The following ATP2B2 variants were observed in gnomAD, a reference collection of about 807,000 sequenced individuals.
ATP2B2 encodes plasma membrane calcium-transporting ATPase 2.
ATP2B2 carries 15 observed loss-of-function variants against 120.0 expected under a neutral mutation model. The observed-to-expected ratio is 0.12, with a 90% CI of 0.08 to 0.19. The LOEUF (loss-of-function observed/expected upper bound fraction) is 0.19, where lower values mean the gene tolerates loss of function less well. Ranked by LOEUF, ATP2B2 falls within the 10% of genes least tolerant of loss-of-function variation. The probability of loss-of-function intolerance (pLI) is 1.00; values close to 1 mark genes in which losing one functional copy is unlikely to be tolerated. For synonymous variants in ATP2B2, 694 were observed against 700.3 expected, an observed-to-expected ratio of 0.99 and a Z score of 0.14; for missense variants, 1,045 against 1,719.8, an observed-to-expected ratio of 0.61 and a Z score of 6.94.
chr3:10,499,784 TGCCCC>T (rs1229599984), intron 1 of ATP2B2, among the ~76,000 whole-genome samples: 1 of 152,118 alleles, frequency 6.6e-6, no homozygotes, highest in East Asian at 1.9e-4. Context: ...CTGGAATTCC[TGCCCC>T]ATGGATTCCT....
chr3:10,481,349 C>T (rs1239188794), intron 1 of ATP2B2, among the ~76,000 whole-genome samples: 1 of 151,890 alleles, frequency 6.6e-6, no homozygotes, highest in East Asian at 1.9e-4. Context: ...CAGCATACTC[C>T]ACCTCAGGGC....
Position 10,328,895 on chromosome 3 carries a change from G to A in ATP2B2, c.3651C>T (p.Ile1217=). The A allele has an allele frequency of 6.2e-7, 1 of 1,614,000 alleles. No individual in the cohort carries two copies. Among genetic ancestry groups the A allele is most frequent in the Non-Finnish European group, 8.5e-7 (1 of 1,180,004 alleles). The change falls in exon 23 of 23, where the codon ATC becomes ATT. Residue 1217 remains isoleucine (I), a synonymous_variant. Transcript: ENST00000360273. The part of the protein sequence containing the change: ...NKNNSAIDSG[I]NLTTDTSKSA... ...ATTTGCTTGTGTCGGTCGTCAGGTT[G>A]ATCCCACTGTCGATGGCGCTGTTGT...
At chr3:10,514,320 AAGG>A (rs988735672) in intron 3 of ATP2B2, among the ~76,000 whole-genome samples, 10 of 152,264 alleles carry the variant, frequency 6.6e-5, no homozygotes, top group African/African-American at 2.4e-4. Context: ...GCCAAGCCTG[AAGG>A]AGGAGGACAG....
chr3:10,365,899 GA>G (rs2061042270), intron 12 of ATP2B2, among the ~76,000 whole-genome samples: 1 of 402 alleles, frequency 2.5e-3, no homozygotes, highest in Non-Finnish European at 4.7e-3. Context: ...AGGGTGAAAG[GA>G]CTAACAGCTC....
chr3:10,632,605 G>A (rs1467276842), intron 1 of ATP2B2, among the ~76,000 whole-genome samples: 4 of 152,260 alleles, frequency 2.6e-5, no homozygotes, highest in Non-Finnish European at 5.9e-5. Flanking sequence ...TGGAGGAGGA[G>A]TTGGCAGGGC....
At chr3:10,505,972 G>A (rs2066613101), upstream of ATP2B2, among the ~76,000 whole-genome samples, 1 of 152,094 alleles carries the variant, frequency 6.6e-6, no homozygotes, top group African/African-American at 2.4e-5. Flanking sequence ...AGGGAAGGGG[G>A]TCCTGAGAGT....
rs73018793 is a variant in ATP2B2 at position 10,470,902 on chromosome 3, C to T, written c.-319-21040G>A. Among the ~76,000 whole-genome samples the T allele has an allele frequency of 7.0e-3, 1,073 of 152,242 alleles. 9 individuals carry two copies. Among genetic ancestry groups the T allele is most frequent in the Middle Eastern group, 0.031 (9 of 294 alleles). ...GACAGGGACATGCAGGTTGCTATGG[C>T]GACAGCACATCGGATACTGACCTGG... On this transcript the variant is annotated intron_variant, in intron 1 of 22. Transcript: ENST00000360273.
At position 10,343,531 on chromosome 3, in the gene ATP2B2, A is replaced by AC; in HGVS notation, c.2704-567dup. 4.1e-3 allele frequency among the ~76,000 whole-genome samples: 1 copy of AC among 244 alleles called. No individual in the cohort carries two copies. The highest frequency in any genetic ancestry group is 8.3e-3 in the Non-Finnish European group (1 of 120). The allele number at this position is 244 out of a possible 152,430, so 0.2% of individuals were successfully genotyped here. ...ATGAGGAATAGCAAAAGCAACTAAA[A>AC]CTGTCAAGGACCTCACCACTTTTAG... On this transcript the variant is annotated intron_variant, in intron 18 of 22. Transcript: ENST00000360273. This position sits in a 1 kb window ranked among gnomAD's most constrained non-coding sequence, Gnocchi z 4.2.
intron 5 of ATP2B2, among the ~76,000 whole-genome samples, chr3:10,397,006 C>A (rs2062060538): frequency 6.6e-6 from 1 of 152,204 alleles, no homozygotes; most frequent in Non-Finnish European, 1.5e-5. Flanking sequence ...AGGGGATCCA[C>A]TTACATCATA....
chr3:10,529,992 C>G (rs2067177311), intron 3 of ATP2B2, among the ~76,000 whole-genome samples: 1 of 152,192 alleles, frequency 6.6e-6, no homozygotes, highest in Non-Finnish European at 1.5e-5. Context: ...CGGAAGGAAC[C>G]AAGCCCTCTG....
intron 1 of ATP2B2, among the ~76,000 whole-genome samples, chr3:10,496,892 A>G (rs1180288674): frequency 6.6e-6 from 1 of 150,624 alleles, no homozygotes; most frequent in African/African-American, 2.4e-5. Context: ...CCCAACTCCA[A>G]TCCACTTTGT....
chr3:10,469,732 G>A (rs1205544181), intron 1 of ATP2B2, among the ~76,000 whole-genome samples: 6 of 152,188 alleles, frequency 3.9e-5, no homozygotes, highest in Non-Finnish European at 7.3e-5. Flanking sequence ...CTTTCACCCT[G>A]AGAAAGTGGG....
chr3:10,541,027 T>C (rs1476583349), intron 2 of ATP2B2, among the ~76,000 whole-genome samples: 1 of 152,142 alleles, frequency 6.6e-6, no homozygotes, highest in Non-Finnish European at 1.5e-5. Flanking sequence ...CCATTTCTAC[T>C]AGGTTGTTAA....
At chr3:10,552,704 A>C (rs904335722) in intron 2 of ATP2B2, among the ~76,000 whole-genome samples, 33 of 152,252 alleles carry the variant, frequency 2.2e-4, no homozygotes, top group African/African-American at 8.0e-4. Context: ...GCCCTGAGGC[A>C]GAGCTGGGGT....
At chr3:10,349,782 A>G (rs1016162429) in intron 16 of ATP2B2, among the ~76,000 whole-genome samples, 2 of 152,072 alleles carry the variant, frequency 1.3e-5, no homozygotes, top group African/African-American at 4.8e-5. Flanking sequence ...CAAATCCATC[A>G]TTTAAAAAGG....
intron 2 of ATP2B2, among the ~76,000 whole-genome samples, chr3:10,586,412 C>T (rs992748807): frequency 1.3e-5 from 2 of 152,196 alleles, no homozygotes; most frequent in East Asian, 1.9e-4. Context: ...TTACTTTTGC[C>T]GTTTTGCAGA....
chr3:10,417,234 C>T (rs920905430), intron 2 of ATP2B2, among the ~76,000 whole-genome samples: 25 of 148,586 alleles, frequency 1.7e-4, no homozygotes, highest in East Asian at 6.0e-4. Flanking sequence ...GACAGTGGGG[C>T]GGCCGGGCAG....
chr3:10,588,022 T>C (rs1402742976), intron 2 of ATP2B2, among the ~76,000 whole-genome samples: 1 of 152,254 alleles, frequency 6.6e-6, no homozygotes, highest in Admixed American at 6.5e-5. Flanking sequence ...GTGCCACTAG[T>C]ACACTGAGGA....
At chr3:10,416,464 TA>T (rs1156786700) in intron 2 of ATP2B2, among the ~76,000 whole-genome samples, 1 of 151,902 alleles carries the variant, frequency 6.6e-6, no homozygotes, top group Non-Finnish European at 1.5e-5. Flanking sequence ...CCGGTGTTTT[TA>T]AAAAAATGGA....
Sources: gnomAD v4.1 joint callset for allele counts (sites outside exome capture counted in the v4.1 genomes callset) on GRCh38, gnomAD v4.1.1 for gene constraint, Gnocchi (gnomAD v3.1) non-coding constraint, MANE v1.5 for transcripts, NCBI Gene and HGNC (gene_info 2026-07-23, HGNC 2026-07-21) for gene names.